The following ZNF829 variants were observed in gnomAD, a reference collection of about 807,000 sequenced individuals.
ZNF829 encodes the protein zinc finger protein 829.
A neutral mutation model predicts 35.2 loss-of-function variants in ZNF829; 25 were observed. The ratio of observed to expected loss-of-function variants is 0.71; its 90% CI spans 0.52 to 0.99. The LOEUF is 0.99. Among genes scored for constraint, ZNF829 ranks in the 50% least tolerant of loss-of-function variants. ZNF829 has a pLI of 0.00. For synonymous variants in ZNF829, 136 were observed against 163.2 expected (o/e 0.83, Z 1.27); for missense variants, 417 against 515.3 (o/e 0.81, Z 1.85).
At chr19:36,901,862 C>T (rs933711071) in intron 5 of ZNF829, 7 of 750,234 alleles carry the variant, frequency 9.3e-6, no homozygotes, top group Non-Finnish European at 1.5e-5. Flanking sequence ...CTTCAAGAAG[C>T]GTGCCCCTCG....
chr19:36,914,916 T>G (rs376487042), intron 3 of ZNF829, 49 bp downstream of exon 3: 206 of 1,581,670 alleles, frequency 1.3e-4, no homozygotes, highest in Non-Finnish European at 1.8e-4. Flanking sequence ...TTAAATGACA[T>G]TCCTTTAAGC....
chr19:36,891,493 C>T lies in ZNF829; in HGVS notation c.1298G>A (p.Ter433=). The T allele has an allele frequency of 6.5e-7, 1 of 1,541,964 alleles. No individual in the cohort carries two copies. The highest frequency in any genetic ancestry group is 8.7e-7 in the Non-Finnish European group (1 of 1,149,112). The change falls in exon 6 of 6, where the codon TGA becomes TAA. Residue 433 remains the stop codon, a stop_retained_variant. Transcript: ENST00000391711. ...LIRHEGIHTG[*] ...AAAATGGTCTTACTTTACTGTCATT[C>T]AACCAGTATGAATTCCCTCATGGCG...
chr19:36,891,563 A>C lies in ZNF829; in HGVS notation c.1228T>G (p.Cys410Gly). The change falls in exon 6 of 6, where the codon TGT (cysteine) becomes GGT (glycine). Residue 410 changes from cysteine (C) to glycine (G), a missense_variant. By Grantham distance (159) the Cys-to-Gly change is radical. Transcript: ENST00000391711. Reference sequence around the variant, plus strand: ...CCAAAAGCCTTTCCACATTCCTTACAGTCATAGGGTTTCTCACCAGTGTGA... The same window carrying C: ...CCAAAAGCCTTTCCACATTCCTTACCGTCATAGGGTTTCTCACCAGTGTGA... ...RIHTGEKPYD[C>G]KECGKAFGSR... 6.2e-7 allele frequency: 1 copy of C among 1,611,086 alleles called. No individual in the cohort carries two copies. The highest frequency in any genetic ancestry group is 8.5e-7 in the Non-Finnish European group (1 of 1,178,822).
Position 36,891,146 on chromosome 19 carries a change from A to C in ZNF829, c.*346T>G, listed in dbSNP as rs531921179. 61 of 193,202 alleles carry C rather than the reference A, an allele frequency of 3.2e-4. 1 individual carries two copies. In the South Asian group the frequency reaches 0.01, roughly 32 times the overall value. The allele number at this position is 193,202 out of a possible 1,614,324, so 12.0% of individuals were successfully genotyped here. ...TACACAGCGAGAATGCAATGTGAAG[A>C]TGGAGGCAGAGATTGGAATGGTGTA... On this transcript the variant is annotated 3_prime_UTR_variant, in exon 6 of 6. Transcript: ENST00000391711.
At chr19:36,903,708 T>C (rs1298846390) in intron 5 of ZNF829, among the ~76,000 whole-genome samples, 1 of 152,058 alleles carries the variant, frequency 6.6e-6, no homozygotes, top group African/African-American at 2.4e-5. Flanking sequence ...CTGGCCAACA[T>C]GGGGAAACCT....
chr19:36,892,012 C>A lies in ZNF829; in HGVS notation c.779G>T (p.Arg260Ile). Residue 260 changes from arginine to isoleucine, a missense_variant, in exon 6 of 6, where the codon AGA (arginine) becomes ATA (isoleucine). Coordinates refer to ENST00000391711, the MANE Select transcript of ZNF829 (RefSeq NM_001037232.4). ...ATAGGGTTTCTCACCAGTGTGAATT[C>A]TCTGATGATCATTAAGGTTTGAGCA... Reference protein sequence around the residue: ...KYCSNLNDHQRIHTGEKPYEC... With the variant: ...KYCSNLNDHQIIHTGEKPYEC... 6.2e-7 allele frequency: 1 copy of A among 1,613,798 alleles called. No homozygotes were observed. Among genetic ancestry groups the A allele is most frequent in the Non-Finnish European group, 8.5e-7 (1 of 1,179,832 alleles).
chr19:36,904,562 G>A (rs1460326231), intron 5 of ZNF829, among the ~76,000 whole-genome samples: 5 of 152,030 alleles, frequency 3.3e-5, no homozygotes, highest in Admixed American at 2.6e-4. Context: ...ACTATGCCCG[G>A]TTAATTTTTG....
chr19:36,898,704 A>T (rs1480600982), intron 5 of ZNF829, among the ~76,000 whole-genome samples: 1 of 152,192 alleles, frequency 6.6e-6, no homozygotes. Flanking sequence ...AAATCCATGT[A>T]TTTATAGTCA....
At position 36,915,147 on chromosome 19, in the gene ZNF829, G is replaced by T. The variant is rs769552535; in HGVS notation, c.21C>A (p.Ile7=). Residue 7 remains isoleucine (I), a synonymous_variant, in exon 2 of 6, where the codon ATC becomes ATA. Transcript: ENST00000391711. Reference sequence around the variant, plus strand: ...TTACCCACCACACATGAGGAATGGAGATCAGAGGAGAATGGGGCATTCTGT... The same window carrying T: ...TTACCCACCACACATGAGGAATGGATATCAGAGGAGAATGGGGCATTCTGT... The part of the protein sequence containing the change: MPHSPL[I]SIPHVWCHPE... The T allele has an allele frequency of 5.0e-6, 8 of 1,614,018 alleles. No homozygotes were observed. In the Admixed American group the frequency reaches 1.3e-4, roughly 27 times the overall value.
intron 5 of ZNF829, among the ~76,000 whole-genome samples, chr19:36,904,107 G>GT (rs2146241492): frequency 6.6e-6 from 1 of 152,258 alleles, no homozygotes; most frequent in South Asian, 2.1e-4. Context: ...CATTAAGTAG[G>GT]TAACAGGAAA....
At chr19:36,904,453 G>A (rs1201484012) in intron 5 of ZNF829, among the ~76,000 whole-genome samples, 2 of 152,126 alleles carry the variant, frequency 1.3e-5, no homozygotes, top group Non-Finnish European at 1.5e-5. Context: ...AGGCTGGAGT[G>A]CAGTTGCATG....
intron 5 of ZNF829, 121 bp downstream of exon 5, chr19:36,907,803 GAAAAA>G (rs113535347): frequency 3.4e-6 from 2 of 596,016 alleles, no homozygotes; most frequent in Non-Finnish European, 5.5e-6. Flanking sequence ...AAAAGTATGA[GAAAAA>G]AAAAAAAAGT....
intron 5 of ZNF829, among the ~76,000 whole-genome samples, chr19:36,894,375 GATAAAAGAAACACGAAAAAGC>G (rs1400555312): frequency 1.3e-5 from 2 of 151,974 alleles, no homozygotes; most frequent in East Asian, 3.9e-4. Flanking sequence ...TCAATGTAAG[GATAAAAGAAACACGAAAAAGC>G]ATGGAACCAT....
chr19:36,901,446 T>C (rs547643323), intron 5 of ZNF829, among the ~76,000 whole-genome samples: 1 of 152,338 alleles, frequency 6.6e-6, no homozygotes, highest in South Asian at 2.1e-4. Context: ...TATACAACTC[T>C]ATTACATTAA....
At chr19:36,899,959 G>C (rs567660593) in intron 5 of ZNF829, among the ~76,000 whole-genome samples, 1 of 151,932 alleles carries the variant, frequency 6.6e-6, no homozygotes, top group East Asian at 1.9e-4. Context: ...CTTAGTATTT[G>C]CTAGCAAAAC....
chr19:36,894,642 C>A (rs1218070105), intron 5 of ZNF829, among the ~76,000 whole-genome samples: 1 of 151,870 alleles, frequency 6.6e-6, no homozygotes, highest in African/African-American at 2.4e-5. Context: ...TGACAAATTT[C>A]AATGAATGAA....
intron 3 of ZNF829, among the ~76,000 whole-genome samples, chr19:36,912,315 A>C (rs1252507082): frequency 6.6e-6 from 1 of 152,248 alleles, no homozygotes; most frequent in East Asian, 1.9e-4. Context: ...GATAAAAATT[A>C]TAGTCTATAC....
chr19:36,904,651 C>T (rs1163587852), intron 5 of ZNF829, among the ~76,000 whole-genome samples: 3 of 152,254 alleles, frequency 2.0e-5, no homozygotes, highest in South Asian at 2.1e-4. Context: ...CTGCCCGCCT[C>T]GGCCTCCCAG....
intron 5 of ZNF829, among the ~76,000 whole-genome samples, chr19:36,902,644 C>CAAAATAAAATAAAAAT (rs1555726828): frequency 5.4e-5 from 8 of 147,392 alleles, no homozygotes; most frequent in African/African-American, 2.1e-4. Context: ...GACTCTGTCT[C>CAAAATAAAATAAAAAT]AAAATAAAAT....
Sources: gnomAD v4.1 joint callset for allele counts (sites outside exome capture counted in the v4.1 genomes callset) on GRCh38, gnomAD v4.1.1 for gene constraint, MANE v1.5 for transcripts, NCBI Gene and HGNC (gene_info 2026-07-23, HGNC 2026-07-21) for gene names.